XPNPEP1: variants seen among roughly 807,000 people sequenced by gnomAD.
The protein encoded by XPNPEP1 is X-prolyl aminopeptidase 1, also known as xaa-Pro aminopeptidase 1.
A neutral mutation model predicts 92.4 loss-of-function variants in XPNPEP1; 39 were observed. The observed-to-expected ratio is 0.42, with a 90% CI of 0.33 to 0.55. The LOEUF (loss-of-function observed/expected upper bound fraction) is 0.55. Among genes scored for constraint, XPNPEP1 ranks in the 20% least tolerant of loss-of-function variants. The probability of loss-of-function intolerance (pLI) is 0.08; values close to 1 mark genes in which losing one functional copy is unlikely to be tolerated. For missense variants in XPNPEP1, 654 were observed against 856.1 expected, an observed-to-expected ratio of 0.76 and a Z score of 2.95; for synonymous variants, 307 against 299.4, an observed-to-expected ratio of 1.03 and a Z score of -0.26.
chr10:109,882,375 T>C (rs1848149063), intron 10 of XPNPEP1, 57 bp downstream of exon 10: 3 of 1,576,666 alleles, frequency 1.9e-6, no homozygotes, highest in Non-Finnish European at 2.6e-6. Context: ...CCAAAGACAA[T>C]ACCAGAACTG....
chr10:109,869,780 G>T, intron 19 of XPNPEP1, 173 bp downstream of exon 19: 1 of 573,102 alleles, frequency 1.7e-6, no homozygotes, highest in Non-Finnish European at 3.0e-6. Context: ...GCTCCATGTT[G>T]GCCCCAGAAT....
intron 2 of XPNPEP1, among the ~76,000 whole-genome samples, chr10:109,908,634 A>C (rs1199101287): frequency 6.6e-6 from 1 of 152,182 alleles, no homozygotes; most frequent in Non-Finnish European, 1.5e-5. Flanking sequence ...ATGACAAAGG[A>C]AAAAAATATA....
chr10:109,890,136 G>A (rs529289843), intron 5 of XPNPEP1, among the ~76,000 whole-genome samples: 1 of 152,288 alleles, frequency 6.6e-6, no homozygotes, highest in East Asian at 1.9e-4. Context: ...CTAGGAAGGA[G>A]CCTGGAGGAG....
intron 14 of XPNPEP1, chr10:109,876,856 T>C (rs1847812008): frequency 1.3e-5 from 2 of 152,222 alleles, no homozygotes; most frequent in African/African-American, 2.4e-5. Context: ...CCTAATGACA[T>C]TTCCCCCCAT....
chr10:109,917,129 A>G (rs2133572386), intron 1 of XPNPEP1, among the ~76,000 whole-genome samples: 1 of 150,682 alleles, frequency 6.6e-6, no homozygotes, highest in East Asian at 1.9e-4. Context: ...CAGAAGTTCT[A>G]TCTAGGGTAA....
intron 1 of XPNPEP1, among the ~76,000 whole-genome samples, chr10:109,922,784 G>A (rs1850618040): frequency 6.6e-6 from 1 of 152,196 alleles, no homozygotes; most frequent in Non-Finnish European, 1.5e-5. Context: ...ACTTGAGGCC[G>A]GGAAATTATC....
intron 3 of XPNPEP1, among the ~76,000 whole-genome samples, chr10:109,905,132 C>T (rs991334261): frequency 6.6e-6 from 1 of 152,098 alleles, no homozygotes; most frequent in Non-Finnish European, 1.5e-5. Flanking sequence ...ACCTTGGACA[C>T]TATACTAAGT....
At chr10:109,879,940 C>A (rs902736275) in intron 12 of XPNPEP1, among the ~76,000 whole-genome samples, 4 of 152,134 alleles carry the variant, frequency 2.6e-5, no homozygotes, top group African/African-American at 9.7e-5. Flanking sequence ...TTATGATTCC[C>A]TAACCCAAAA....
Position 109,889,703 on chromosome 10 carries a change from T to G in XPNPEP1, c.416-1108A>C, listed in dbSNP as rs184570816. Among the ~76,000 whole-genome samples the G allele has an allele frequency of 4.9e-4, 74 of 152,318 alleles. No individual in the cohort carries two copies. The East Asian group carries it at 0.013, about 28-fold the overall frequency. ...ACCAATGAGGTTTTGGCCAAACAAT[T>G]AACATCTTGATAAAATATACATATA... On this transcript the variant is annotated intron_variant, in intron 5 of 20. Coordinates refer to ENST00000502935, the MANE Select transcript of XPNPEP1 (RefSeq NM_020383.4).
intron 15 of XPNPEP1, among the ~76,000 whole-genome samples, chr10:109,874,928 TA>T (rs1847696129): frequency 6.6e-6 from 1 of 152,108 alleles, no homozygotes; most frequent in Admixed American, 6.5e-5. Context: ...CTGCCTGGGC[TA>T]CAGAGTGAGA....
At chr10:109,871,973 G>A in intron 16 of XPNPEP1, 112 bp from the exon 17 acceptor site, 3 of 1,056,990 alleles carry the variant, frequency 2.8e-6, no homozygotes, top group South Asian at 3.4e-5. Context: ...ATATCATAGA[G>A]AAAATGTAAG....
intron 2 of XPNPEP1, among the ~76,000 whole-genome samples, chr10:109,914,463 CA>C (rs1410886393): frequency 1.3e-5 from 2 of 150,798 alleles, no homozygotes; most frequent in African/African-American, 4.9e-5. Flanking sequence ...AAACAAACAA[CA>C]AAAAAAAAGT....
chr10:109,884,209 T>TA, intron 8 of XPNPEP1, 61 bp from the exon 9 acceptor site: 1 of 1,531,792 alleles, frequency 6.5e-7, no homozygotes, highest in South Asian at 1.1e-5. Flanking sequence ...GGGTCGCTTG[T>TA]AGCGGGAGGG....
chr10:109,885,154 T>C (rs545084824), intron 8 of XPNPEP1, among the ~76,000 whole-genome samples: 88 of 152,302 alleles, frequency 5.8e-4, no homozygotes, highest in African/African-American at 2.1e-3. Flanking sequence ...ATTTTGATGG[T>C]AGCATCATAA....
At chr10:109,913,064 C>T (rs1849966996) in intron 2 of XPNPEP1, among the ~76,000 whole-genome samples, 1 of 152,244 alleles carries the variant, frequency 6.6e-6, no homozygotes, top group Non-Finnish European at 1.5e-5. Context: ...AAGCCAAGAG[C>T]AACAGGCCTA....
intron 3 of XPNPEP1, among the ~76,000 whole-genome samples, chr10:109,894,531 T>C (rs1261294694): frequency 1.4e-5 from 2 of 141,786 alleles, no homozygotes; most frequent in Non-Finnish European, 3.0e-5. Flanking sequence ...AGACCTTGTC[T>C]CAAAAAATTA....
intron 4 of XPNPEP1, chr10:109,892,543 C>T (rs1032207750): frequency 7.4e-5 from 12 of 162,364 alleles, no homozygotes; most frequent in African/African-American, 2.9e-4. Flanking sequence ...TGAGGAACAC[C>T]AATGCAGCTT....
Position 109,867,635 on chromosome 10 carries a change from G to GTCAA in XPNPEP1, c.1872+975_1872+978dup, listed in dbSNP as rs768750409. Among the ~76,000 whole-genome samples, 1 of 152,214 alleles carries GTCAA rather than the reference G, an allele frequency of 6.6e-6. No individual in the cohort carries two copies. Among genetic ancestry groups the GTCAA allele is most frequent in the Non-Finnish European group, 1.5e-5 (1 of 68,034 alleles). ...CCCCAAAGACCCTTTCCTTTACAGT[G>GTCAA]TCAAGAACGAGGCCCAAGTGGGCGC... On this transcript the variant is annotated intron_variant, in intron 20 of 20. Transcript: ENST00000502935. The surrounding 1 kb of genome is among the most constrained non-coding windows in gnomAD (Gnocchi z 4.5).
rs1003517903 is a variant in XPNPEP1 at position 109,910,120 on chromosome 10, C to A, written c.122-2305G>T. Among the ~76,000 whole-genome samples, 29 of 152,236 alleles carry A rather than the reference C, an allele frequency of 1.9e-4. 1 individual carries two copies. The highest frequency in any genetic ancestry group is 5.9e-5 in the Non-Finnish European group (4 of 68,042). ...TGCACATGCAGCCTATTCATTCCTC[C>A]TTCCTCCTCTCCTCTAACCCGACAA... On this transcript the variant is annotated intron_variant, in intron 2 of 20. Transcript: ENST00000502935.
Sources: gnomAD v4.1 joint callset for allele counts (sites outside exome capture counted in the v4.1 genomes callset) on GRCh38, gnomAD v4.1.1 for gene constraint, Gnocchi (gnomAD v3.1) non-coding constraint, MANE v1.5 for transcripts, NCBI Gene and HGNC (gene_info 2026-07-23, HGNC 2026-07-21) for gene names.